The following CDH12 variants were observed in gnomAD, a reference collection of about 807,000 sequenced individuals.
CDH12 encodes cadherin 12.
In CDH12, 41 loss-of-function variants were observed where a neutral mutation model predicts 74.1. The observed-to-expected ratio is 0.55, with a 90% CI of 0.43 to 0.72. The LOEUF is 0.72. Ranked by LOEUF, CDH12 falls within the 30% of genes least tolerant of loss-of-function variation. The pLI is 0.00. For missense variants in CDH12, 945 were observed against 977.2 expected, an observed-to-expected ratio of 0.97 and a Z score of 0.44; for synonymous variants, 399 against 355.0, an observed-to-expected ratio of 1.12 and a Z score of -1.39.
chr5:22,841,499 T>A lies in CDH12; in HGVS notation c.-523+11559A>T, dbSNP rs181209122. ...AAAAAGTTGAGTATAGGAGATTAGA[T>A]TTTGGGAGAGCTGAGCTGGGAAATA... is the stretch of plus-strand genomic sequence containing the variant. On this transcript the variant is annotated intron_variant, in intron 1 of 14. Transcript: ENST00000382254. Among the ~76,000 whole-genome samples the A allele has an allele frequency of 1.0e-3, 158 of 152,190 alleles. 1 individual carries two copies. Among genetic ancestry groups the A allele is most frequent in the South Asian group, 2.3e-3 (11 of 4,824 alleles).
At chr5:21,936,652 G>T (rs1335439543) in intron 6 of CDH12, among the ~76,000 whole-genome samples, 1 of 152,130 alleles carries the variant, frequency 6.6e-6, no homozygotes, top group African/African-American at 2.4e-5. Context: ...GAAAATCTTG[G>T]CAAAGAAGAT....
In CDH12 at chr5:22,696,367, T is replaced by C. The variant is rs1256647370; in HGVS notation, c.-523+156691A>G. 4.4e-5 allele frequency among the ~76,000 whole-genome samples: 3 copies of C among 68,462 alleles called. No homozygotes were observed. In the East Asian group the frequency reaches 9.4e-4, roughly 22 times the overall value. The allele number at this position is 68,462 out of a possible 152,430, so 44.9% of individuals were successfully genotyped here. On this transcript the variant is annotated intron_variant, in intron 1 of 14. Coordinates refer to ENST00000382254, the MANE Select transcript of CDH12 (RefSeq NM_004061.5). ...GCCTGGGCGACAGAGTGAGACTCCG[T>C]CTCAAAAAAAAAAAAAAAAAAAAAT...
chr5:22,085,760 C>T (rs1743021621), intron 4 of CDH12, among the ~76,000 whole-genome samples: 1 of 151,978 alleles, frequency 6.6e-6, no homozygotes, highest in Non-Finnish European at 1.5e-5. Context: ...CAACAATATG[C>T]TTTATATTTT....
chr5:22,755,913 A>G lies in CDH12; in HGVS notation c.-523+97145T>C, dbSNP rs73068156. On this transcript the variant is annotated intron_variant, in intron 1 of 14. Transcript: ENST00000382254. The stretch of plus-strand genomic sequence containing the variant: ...CAAGTTAGAACTGTGAAAAATGGGT[A>G]CAATGTATCTACAGGGGAAATTTTA... Among the ~76,000 whole-genome samples, 780 of 152,144 alleles carry G rather than the reference A, an allele frequency of 5.1e-3. 7 individuals carry two copies. The highest frequency in any genetic ancestry group is 0.018 in the African/African-American group (739 of 41,544).
chr5:22,460,713 A>ATTTTTTTTTTTTTTTTTTTTTT (rs3039460), intron 2 of CDH12, among the ~76,000 whole-genome samples: 2 of 85,608 alleles, frequency 2.3e-5, no homozygotes, highest in African/African-American at 1.0e-4. Context: ...ATATCTAGCA[A>ATTTTTTTTTTTTTTTTTTTTTT]TTTTTTTTTT....
chr5:22,182,781 C>T (rs1336537478), intron 4 of CDH12, among the ~76,000 whole-genome samples: 1 of 151,372 alleles, frequency 6.6e-6, no homozygotes, highest in African/African-American at 2.4e-5. Context: ...CTGGGCTGGA[C>T]CCAAGGTAAG....
chr5:22,698,706 T>TC (rs1742525950), intron 1 of CDH12, among the ~76,000 whole-genome samples: 1 of 13,438 alleles, frequency 7.4e-5, no homozygotes. Context: ...TATATATATA[T>TC]ATATATATAT....
chr5:22,121,320 G>T (rs765068340), intron 4 of CDH12, among the ~76,000 whole-genome samples: 7 of 152,112 alleles, frequency 4.6e-5, no homozygotes, highest in Non-Finnish European at 1.0e-4. Context: ...TTTGCAAGCA[G>T]CCCGCTTATA....
At chr5:21,964,056 A>C (rs1479642586) in intron 6 of CDH12, among the ~76,000 whole-genome samples, 1 of 152,096 alleles carries the variant, frequency 6.6e-6, no homozygotes, top group African/African-American at 2.4e-5. Context: ...AAGAAAAGTA[A>C]TTGAAGACAT....
In CDH12 at chr5:22,449,260, T is replaced by C. The variant is rs142792021; in HGVS notation, c.-427-43909A>G. Among the ~76,000 whole-genome samples the C allele has an allele frequency of 2.1e-4, 32 of 152,136 alleles. No homozygotes were observed. The South Asian group carries it at 4.4e-3, about 21-fold the overall frequency. On this transcript the variant is annotated intron_variant, in intron 2 of 14. Coordinates refer to ENST00000382254, the MANE Select transcript of CDH12 (RefSeq NM_004061.5). ...AGCACAATTGCACACCATTTTCATA[T>C]ACAAGTTAAAGAAATCTGAAACTCC...
intron 6 of CDH12, among the ~76,000 whole-genome samples, chr5:21,964,004 G>A (rs1198994680): frequency 2.6e-5 from 4 of 151,920 alleles, no homozygotes; most frequent in Non-Finnish European, 5.9e-5. Flanking sequence ...CCCCTTCTTA[G>A]GTGACTTATT....
At chr5:22,814,808 A>T (rs1328821842) in intron 1 of CDH12, among the ~76,000 whole-genome samples, 1 of 152,214 alleles carries the variant, frequency 6.6e-6, no homozygotes, top group Admixed American at 6.5e-5. Context: ...AAAACATACC[A>T]TGTACAATGA....
chr5:22,774,999 TAAAC>T (rs952038274), intron 1 of CDH12, among the ~76,000 whole-genome samples: 10 of 151,730 alleles, frequency 6.6e-5, no homozygotes, highest in Non-Finnish European at 1.0e-4. Flanking sequence ...GTCACAATTA[TAAAC>T]AAACAATGTT....
chr5:21,925,731 T>C (rs1310904159), intron 6 of CDH12, among the ~76,000 whole-genome samples: 1 of 152,214 alleles, frequency 6.6e-6, no homozygotes, highest in Non-Finnish European at 1.5e-5. Flanking sequence ...ATATATGCAA[T>C]AATTGATGCA....
intron 1 of CDH12, among the ~76,000 whole-genome samples, chr5:22,770,875 T>C (rs1435050638): frequency 1.3e-5 from 2 of 152,078 alleles, no homozygotes; most frequent in East Asian, 3.9e-4. Flanking sequence ...TAAAGCACAA[T>C]AGTGATAAAG....
intron 1 of CDH12, among the ~76,000 whole-genome samples, chr5:22,636,775 A>G (rs1321218872): frequency 6.6e-6 from 1 of 152,192 alleles, no homozygotes; most frequent in Non-Finnish European, 1.5e-5. Flanking sequence ...TATACTAAAA[A>G]CCATTACATT....
chr5:22,291,217 C>G (rs933988188), intron 3 of CDH12, among the ~76,000 whole-genome samples: 1 of 152,074 alleles, frequency 6.6e-6, no homozygotes, highest in African/African-American at 2.4e-5. Flanking sequence ...ATAAATGTGT[C>G]TCAACATAAT....
chr5:22,845,084 A>G (rs1264611217), intron 1 of CDH12, among the ~76,000 whole-genome samples: 1 of 152,188 alleles, frequency 6.6e-6, no homozygotes. Context: ...CACATTATAC[A>G]TAGTGAGATA....
chr5:22,213,200 G>T (rs1169335810), intron 3 of CDH12, among the ~76,000 whole-genome samples: 2 of 152,020 alleles, frequency 1.3e-5, no homozygotes, highest in Non-Finnish European at 2.9e-5. Context: ...TGAATTTAAA[G>T]GTTTATTACA....
Sources: gnomAD v4.1 joint callset for allele counts (sites outside exome capture counted in the v4.1 genomes callset) on GRCh38, gnomAD v4.1.1 for gene constraint, MANE v1.5 for transcripts, NCBI Gene and HGNC (gene_info 2026-07-23, HGNC 2026-07-21) for gene names.